SLC8A1: variants seen among roughly 807,000 people sequenced by gnomAD.
SLC8A1 encodes the protein sodium/calcium exchanger 1.
A neutral mutation model predicts 68.3 loss-of-function variants in SLC8A1; 18 were observed. The ratio of observed to expected loss-of-function variants is 0.26; its 90% CI spans 0.18 to 0.39. The LOEUF is 0.39. Among genes scored for constraint, SLC8A1 ranks in the 10% least tolerant of loss-of-function variants. The pLI is 1.00. For missense variants in SLC8A1, 985 were observed against 1,156.7 expected (o/e 0.85, Z 2.15); for synonymous variants, 475 against 415.5 (o/e 1.14, Z -1.74).
intron 2 of SLC8A1, among the ~76,000 whole-genome samples, chr2:40,293,842 A>T (rs1157002636): frequency 6.6e-6 from 1 of 150,938 alleles, no homozygotes; most frequent in Admixed American, 6.6e-5. Context: ...TGTCATAAAA[A>T]ACAAAAAAAA....
At chr2:40,280,550 A>C (rs2067358599) in intron 2 of SLC8A1, among the ~76,000 whole-genome samples, 1 of 152,230 alleles carries the variant, frequency 6.6e-6, no homozygotes, top group South Asian at 2.1e-4. Context: ...TGCTAAATTA[A>C]CTAATTCATT....
intron 2 of SLC8A1, among the ~76,000 whole-genome samples, chr2:40,332,810 C>T (rs2076550787): frequency 6.6e-6 from 1 of 152,156 alleles, no homozygotes; most frequent in Non-Finnish European, 1.5e-5. Flanking sequence ...TTAGCTTTTC[C>T]AGAGTTATGT....
chr2:40,368,744 C>T (rs371088804), intron 2 of SLC8A1, among the ~76,000 whole-genome samples: 5 of 151,810 alleles, frequency 3.3e-5, no homozygotes, highest in African/African-American at 4.8e-5. Context: ...TCTTTCCTCC[C>T]GCCCAATATG....
At chr2:40,352,237 A>G (rs1671331528) in intron 2 of SLC8A1, among the ~76,000 whole-genome samples, 1 of 152,210 alleles carries the variant, frequency 6.6e-6, no homozygotes, top group South Asian at 2.1e-4. Flanking sequence ...CAATTTAGGA[A>G]TATACTCATT....
chr2:40,282,024 T>A (rs970279377), intron 2 of SLC8A1, among the ~76,000 whole-genome samples: 4 of 152,172 alleles, frequency 2.6e-5, no homozygotes, highest in Non-Finnish European at 5.9e-5. Flanking sequence ...TTCTATCCCT[T>A]CAGCACAGCT....
chr2:40,442,360 G>T (rs564204840), intron 1 of SLC8A1, among the ~76,000 whole-genome samples: 1 of 147,038 alleles, frequency 6.8e-6, no homozygotes, highest in South Asian at 2.1e-4. Context: ...ATCTGACAAA[G>T]GTCTAATATC....
intron 1 of SLC8A1, among the ~76,000 whole-genome samples, chr2:40,463,102 A>G (rs766058177): frequency 3.3e-5 from 5 of 152,240 alleles, no homozygotes; most frequent in Non-Finnish European, 7.3e-5. Context: ...AGTGGCAGCA[A>G]GAAGACACAG....
chr2:40,382,955 A>G (rs896861838), intron 2 of SLC8A1, among the ~76,000 whole-genome samples: 11 of 152,082 alleles, frequency 7.2e-5, no homozygotes, highest in Admixed American at 5.9e-4. Context: ...GATGAATACT[A>G]TATTTGCTTT....
chr2:40,293,633 A>T (rs1206542743), intron 2 of SLC8A1, among the ~76,000 whole-genome samples: 7 of 152,100 alleles, frequency 4.6e-5, no homozygotes. Context: ...AAATCACTCT[A>T]TTGATGCTAA....
intron 2 of SLC8A1, among the ~76,000 whole-genome samples, chr2:40,389,509 C>G (rs886443094): frequency 6.6e-6 from 1 of 152,112 alleles, no homozygotes; most frequent in Non-Finnish European, 1.5e-5. Context: ...TACACTGAGA[C>G]AAAATGTGGT....
At chr2:40,303,760 G>A (rs560018280) in intron 2 of SLC8A1, among the ~76,000 whole-genome samples, 9 of 152,216 alleles carry the variant, frequency 5.9e-5, no homozygotes, top group Middle Eastern at 6.8e-3. Context: ...CTTTCAATAC[G>A]AGGGGGATTC....
chr2:40,322,859 A>C (rs2075372171), intron 2 of SLC8A1, among the ~76,000 whole-genome samples: 2 of 150,928 alleles, frequency 1.3e-5, no homozygotes, highest in South Asian at 4.2e-4. Context: ...CACCACACAC[A>C]CCCCACACAC....
chr2:40,361,654 C>T lies in SLC8A1; in HGVS notation c.1808+66819G>A, dbSNP rs184589594. Among the ~76,000 whole-genome samples, 12 of 152,028 alleles carry T rather than the reference C, an allele frequency of 7.9e-5. No individual in the cohort carries two copies. The East Asian group carries it at 2.0e-3, about 25-fold the overall frequency. On this transcript the variant is annotated intron_variant, in intron 2 of 7. Transcript: ENST00000406785. ...CTCACTGCCTATAAACTAAGAGCAG[C>T]ACGATGCTTCTCTACTGAATGATGT... is the stretch of plus-strand genomic sequence containing the variant.
At chr2:40,119,644 C>T (rs1189869788) in intron 7 of SLC8A1, among the ~76,000 whole-genome samples, 1 of 152,122 alleles carries the variant, frequency 6.6e-6, no homozygotes, top group Non-Finnish European at 1.5e-5. Context: ...CAGAGGTTGG[C>T]CCATTAGATA....
intron 2 of SLC8A1, among the ~76,000 whole-genome samples, chr2:40,304,610 G>A (rs964492600): frequency 3.9e-5 from 6 of 152,052 alleles, no homozygotes; most frequent in Non-Finnish European, 7.4e-5. Flanking sequence ...CCTTTTCAGC[G>A]CGGTTTGGCA....
intron 2 of SLC8A1, among the ~76,000 whole-genome samples, chr2:40,383,348 A>G (rs10865163): frequency 0.24 from 36,171 of 151,962 alleles, 4,975 homozygotes; most frequent in African/African-American, 0.38. Context: ...AACAAACATT[A>G]TATTTTAGAA....
At chr2:40,246,996 T>C (rs981523128) in intron 2 of SLC8A1, among the ~76,000 whole-genome samples, 2 of 152,210 alleles carry the variant, frequency 1.3e-5, no homozygotes, top group Admixed American at 1.3e-4. Flanking sequence ...TTTTCTTACA[T>C]GTTAAGAAAC....
In SLC8A1 at chr2:40,475,884, A is replaced by C. The variant is rs932739996; in HGVS notation, c.-25+36465T>G. Among the ~76,000 whole-genome samples, 9 of 151,976 alleles carry C rather than the reference A, an allele frequency of 5.9e-5. No homozygotes were observed. In the South Asian group the frequency reaches 6.3e-4, roughly 11 times the overall value. The stretch of plus-strand genomic sequence containing the variant: ...CCTATTTTCAGTACTATTTTCCCCC[A>C]AAAAACATAACTTTCTATGATGCAT... On this transcript the variant is annotated intron_variant, in intron 1 of 7. Transcript: ENST00000402441.
intron 2 of SLC8A1, among the ~76,000 whole-genome samples, chr2:40,330,040 C>T (rs374362441): frequency 2.0e-4 from 30 of 152,240 alleles, no homozygotes; most frequent in East Asian, 3.9e-4. Context: ...TAACTAAAAA[C>T]GGGTGTGGAG....
Sources: allele counts gnomAD v4.1 joint callset (sites outside exome capture counted in the v4.1 genomes callset), GRCh38; gene constraint gnomAD v4.1.1; transcripts MANE v1.5; gene names NCBI Gene and HGNC (gene_info 2026-07-23, HGNC 2026-07-21).